Variants in MCU observed in about 807,000 individuals in gnomAD.
MCU encodes calcium uniporter protein, mitochondrial.
Under a neutral mutation model 45.2 loss-of-function variants are expected in MCU, and 12 were observed. The ratio of observed to expected loss-of-function variants is 0.27; its 90% CI spans 0.17 to 0.43. The LOEUF is 0.43. MCU is among the 20% of genes least tolerant of loss of function. MCU has a pLI of 1.00. For missense variants in MCU, 324 were observed against 436.7 expected (o/e 0.74, Z 2.30); for synonymous variants, 160 against 165.1 (o/e 0.97, Z 0.24).
chr10:72,841,990 A>G (rs1845055028), intron 2 of MCU, among the ~76,000 whole-genome samples: 1 of 152,214 alleles, frequency 6.6e-6, no homozygotes, highest in Admixed American at 6.5e-5. Context: ...CTAATTCAAG[A>G]CCTTATAGTT....
At chr10:72,775,517 G>A (rs566709927) in intron 1 of MCU, among the ~76,000 whole-genome samples, 3 of 151,828 alleles carry the variant, frequency 2.0e-5, no homozygotes, top group Admixed American at 6.6e-5. Flanking sequence ...ATTAGTAGTA[G>A]GAAAGAAATA....
chr10:72,791,584 G>A (rs767937966), intron 1 of MCU, among the ~76,000 whole-genome samples: 23 of 151,902 alleles, frequency 1.5e-4, no homozygotes, highest in South Asian at 6.3e-4. Context: ...GAGTTATATC[G>A]CTTGTGTAGA....
intron 1 of MCU, among the ~76,000 whole-genome samples, chr10:72,750,443 A>C (rs1843477818): frequency 6.6e-6 from 1 of 152,198 alleles, no homozygotes; most frequent in Non-Finnish European, 1.5e-5. Flanking sequence ...CATTGATTAC[A>C]AATTTGATTT....
At chr10:72,770,657 G>A (rs942367824) in intron 1 of MCU, among the ~76,000 whole-genome samples, 1 of 151,834 alleles carries the variant, frequency 6.6e-6, no homozygotes, top group African/African-American at 2.4e-5. Context: ...ATTTCTGGTT[G>A]TCTTCATTTG....
chr10:72,810,612 C>T (rs552659824), intron 1 of MCU, among the ~76,000 whole-genome samples: 11 of 150,926 alleles, frequency 7.3e-5, no homozygotes, highest in South Asian at 2.1e-4. Flanking sequence ...GGATTACAGG[C>T]GCCTGCCACC....
chr10:72,793,813 A>G (rs1276533877), intron 1 of MCU, among the ~76,000 whole-genome samples: 1 of 152,040 alleles, frequency 6.6e-6, no homozygotes, highest in Non-Finnish European at 1.5e-5. Flanking sequence ...TTCATGACCT[A>G]GCTTCAGAAG....
chr10:72,868,462 G>A (rs1845491692), intron 4 of MCU, among the ~76,000 whole-genome samples: 1 of 151,772 alleles, frequency 6.6e-6, no homozygotes, highest in Non-Finnish European at 1.5e-5. Flanking sequence ...TAACGTCGGA[G>A]GATTACTTGA....
chr10:72,851,671 A>T (rs1845209021), intron 2 of MCU, among the ~76,000 whole-genome samples: 1 of 152,214 alleles, frequency 6.6e-6, no homozygotes, highest in African/African-American at 2.4e-5. Context: ...CAGTGATGTT[A>T]TCTGCATGAG....
intron 1 of MCU, among the ~76,000 whole-genome samples, chr10:72,779,828 G>A (rs1843961675): frequency 6.6e-6 from 1 of 152,158 alleles, no homozygotes; most frequent in Admixed American, 6.5e-5. Flanking sequence ...CATTGCTGTT[G>A]GGATTGTAAA....
At chr10:72,701,892 A>G (rs1438303547) in intron 1 of MCU, among the ~76,000 whole-genome samples, 2 of 151,966 alleles carry the variant, frequency 1.3e-5, no homozygotes, top group African/African-American at 4.8e-5. Flanking sequence ...TAGCTGTTAG[A>G]GGTCTAAGAT....
At position 72,789,741 on chromosome 10, in the gene MCU, A is replaced by C. The variant is rs79289738; in HGVS notation, c.151-44618A>C. On this transcript the variant is annotated intron_variant, in intron 1 of 7. Transcript: ENST00000373053. The stretch of plus-strand genomic sequence containing the variant: ...CCTGTTCCCTCATTATTCTCCATCA[A>C]ATTTTCACCCAGGAAAAAGACTATC... Among the ~76,000 whole-genome samples the C allele has an allele frequency of 2.4e-3, 370 of 152,210 alleles. 3 individuals are homozygous for C. The highest frequency in any genetic ancestry group is 8.3e-3 in the African/African-American group (345 of 41,538).
chr10:72,852,261 AT>A (rs1237129222), intron 2 of MCU, among the ~76,000 whole-genome samples: 2 of 152,242 alleles, frequency 1.3e-5, no homozygotes. Flanking sequence ...AATATAACAA[AT>A]TTTAAAAATA....
chr10:72,822,236 C>T (rs967191267), intron 1 of MCU, among the ~76,000 whole-genome samples: 7 of 152,186 alleles, frequency 4.6e-5, no homozygotes, highest in Non-Finnish European at 1.0e-4. Context: ...CGCACCACTG[C>T]ACTCCAGCAT....
rs1301705971 is a variant in MCU, at chr10:72,804,600, A to C, written c.151-29759A>C. 2.0e-5 allele frequency among the ~76,000 whole-genome samples: 3 copies of C among 152,294 alleles called. No individual in the cohort carries two copies. The East Asian group carries it at 5.8e-4, about 29-fold the overall frequency. Reference sequence around the variant, plus strand: ...CCTAATTCAGCCTTTTTCCTAACATAGTTGATTGAAATTTGTTTTTTTGTT... The same window carrying C: ...CCTAATTCAGCCTTTTTCCTAACATCGTTGATTGAAATTTGTTTTTTTGTT... On this transcript the variant is annotated intron_variant, in intron 1 of 7. Transcript: ENST00000373053.
chr10:72,848,740 G>A (rs1468701925), intron 2 of MCU, among the ~76,000 whole-genome samples: 2 of 151,866 alleles, frequency 1.3e-5, no homozygotes, highest in Admixed American at 1.3e-4. Context: ...ATGTGTGTGT[G>A]TGTGTCTGCC....
chr10:72,873,047 C>T (rs1234743827), intron 6 of MCU, among the ~76,000 whole-genome samples: 1 of 103,832 alleles, frequency 9.6e-6, no homozygotes, highest in Non-Finnish European at 1.7e-5. Flanking sequence ...GAGATGGAGT[C>T]TCGCTCTATT....
intron 1 of MCU, among the ~76,000 whole-genome samples, chr10:72,695,227 T>C (rs551515119): frequency 6.6e-6 from 1 of 151,170 alleles, no homozygotes; most frequent in African/African-American, 2.5e-5. Context: ...GCTGAATTAC[T>C]ACATCTTTTA....
intron 1 of MCU, among the ~76,000 whole-genome samples, chr10:72,708,106 G>A (rs1842846767): frequency 6.6e-6 from 1 of 152,176 alleles, no homozygotes; most frequent in Non-Finnish European, 1.5e-5. Context: ...ATTCTCACAA[G>A]GGCCAAGAGC....
intron 1 of MCU, among the ~76,000 whole-genome samples, chr10:72,725,224 C>T (rs1843081208): frequency 6.6e-6 from 1 of 152,062 alleles, no homozygotes; most frequent in South Asian, 2.1e-4. Flanking sequence ...CTCCCGGGTT[C>T]CCGCCATTCT....
Sources: gnomAD v4.1 joint callset for allele counts (sites outside exome capture counted in the v4.1 genomes callset) on GRCh38, gnomAD v4.1.1 for gene constraint, MANE v1.5 for transcripts, NCBI Gene and HGNC (gene_info 2026-07-23, HGNC 2026-07-21) for gene names.